MGARP: variants seen among roughly 807,000 people sequenced by gnomAD.
MGARP encodes the protein protein MGARP.
A neutral mutation model predicts 11.0 loss-of-function variants in MGARP; 12 were observed. The observed-to-expected ratio is 1.09, with a 90% CI of 0.70 to 1.77. MGARP has a LOEUF of 1.77. MGARP is among the 40% of genes most tolerant of loss of function. The pLI, the probability that MGARP is intolerant of heterozygous loss-of-function variation, is 0.00. For synonymous variants in MGARP, 110 were observed against 115.4 expected (o/e 0.95, Z 0.30); for missense variants, 283 against 297.8 (o/e 0.95, Z 0.36).
chr4:139,272,617 G>A lies in MGARP; in HGVS notation c.186+2672C>T, dbSNP rs144235818. On this transcript the variant is annotated intron_variant, in intron 2 of 3. Coordinates refer to ENST00000398955, the MANE Select transcript of MGARP (RefSeq NM_032623.4). ...AGAATATGTATTTTGGTTTGGTTTG[G>A]TTTGGCCATCTTACATAGTCCTATG... Among the ~76,000 whole-genome samples the A allele has an allele frequency of 3.3e-4, 50 of 149,262 alleles. No homozygotes were observed. In the East Asian group the frequency reaches 8.6e-3, roughly 26 times the overall value.
In MGARP at chr4:139,280,213, C is replaced by T; in HGVS notation, c.-55G>A. 6.5e-7 allele frequency: 1 copy of T among 1,537,778 alleles called. No individual in the cohort carries two copies. The highest frequency in any genetic ancestry group is 8.8e-7 in the Non-Finnish European group (1 of 1,138,278). On this transcript the variant is annotated 5_prime_UTR_variant, in exon 1 of 4. Transcript: ENST00000398955. ...CGGTACCCAGGCGCAGGCTGCCCTTCCACAGAGAGGCTGAGAGCCTGGCAG... is the reference window on the plus strand; with the variant it reads ...CGGTACCCAGGCGCAGGCTGCCCTTTCACAGAGAGGCTGAGAGCCTGGCAG...
chr4:139,266,936 G>A lies in MGARP; in HGVS notation c.386C>T (p.Thr129Ile). 6.2e-7 allele frequency: 1 copy of A among 1,614,176 alleles called. No individual in the cohort carries two copies. Among genetic ancestry groups the A allele is most frequent in the Non-Finnish European group, 8.5e-7 (1 of 1,180,026 alleles). Reference sequence around the variant, plus strand: ...AGATGCCTCTTTTATGACCACAACTGTAGCACTGGGACTTTCTTCAGCATC... The same window carrying A: ...AGATGCCTCTTTTATGACCACAACTATAGCACTGGGACTTTCTTCAGCATC... Reference protein sequence around the residue: ...VVDAEESPSATVVVIKEASAC... With the variant: ...VVDAEESPSAIVVVIKEASAC... Residue 129 changes from threonine (T) to isoleucine (I), a missense_variant, in exon 4 of 4, where the codon ACA becomes ATA. By Grantham distance (89) the Thr-to-Ile change is moderately conservative. Coordinates refer to ENST00000398955, the MANE Select transcript of MGARP (RefSeq NM_032623.4).
chr4:139,280,051 T>C (rs1744933996), intron 1 of MGARP, 26 bp downstream of exon 1: 1 of 1,610,632 alleles, frequency 6.2e-7, no homozygotes, highest in East Asian at 2.2e-5. Context: ...CCCGTCCTCC[T>C]CTCCGGGCTA....
chr4:139,271,267 T>C (rs1446737791), intron 2 of MGARP, among the ~76,000 whole-genome samples: 1 of 152,230 alleles, frequency 6.6e-6, no homozygotes, highest in Non-Finnish European at 1.5e-5. Context: ...GGCTCACATC[T>C]GTAATCTCAG....
chr4:139,274,150 G>A (rs1318924602), intron 2 of MGARP, among the ~76,000 whole-genome samples: 2 of 152,128 alleles, frequency 1.3e-5, no homozygotes, highest in Non-Finnish European at 2.9e-5. Flanking sequence ...GGAGAAATGA[G>A]TAGGTGGAGT....
chr4:139,268,773 T>G lies in MGARP; in HGVS notation c.187-8A>C. The G allele has an allele frequency of 6.3e-7, 1 of 1,590,962 alleles. No individual in the cohort carries two copies. Among genetic ancestry groups the G allele is most frequent in the Non-Finnish European group, 8.6e-7 (1 of 1,165,964 alleles). On this transcript the variant is annotated splice_region_variant and splice_polypyrimidine_tract_variant and intron_variant, in intron 2 of 3. Transcript: ENST00000398955. The stretch of plus-strand genomic sequence containing the variant: ...TGTGACTGTCTTGTAAGCCTGAAAG[T>G]AAATGTATGCTTAGGTTTATTTCTT...
intron 3 of MGARP, among the ~76,000 whole-genome samples, chr4:139,268,042 A>G (rs1023222152): frequency 6.6e-6 from 1 of 151,660 alleles, no homozygotes; most frequent in Admixed American, 6.6e-5. Context: ...GCTGGAGCCC[A>G]GGAGTTCAAG....
chr4:139,275,637 G>A (rs1412328852), intron 1 of MGARP, among the ~76,000 whole-genome samples: 1 of 152,010 alleles, frequency 6.6e-6, no homozygotes, highest in Non-Finnish European at 1.5e-5. Flanking sequence ...CTTCTTGGAA[G>A]GGGTGCAGGT....
intron 1 of MGARP, among the ~76,000 whole-genome samples, chr4:139,277,594 T>G (rs1379150331): frequency 6.6e-6 from 1 of 152,182 alleles, no homozygotes; most frequent in Non-Finnish European, 1.5e-5. Context: ...AAATGAGAAA[T>G]TTTTCAATAA....
chr4:139,267,670 A>G (rs1047960723), intron 3 of MGARP, among the ~76,000 whole-genome samples: 1 of 152,260 alleles, frequency 6.6e-6, no homozygotes, highest in African/African-American at 2.4e-5. Flanking sequence ...AAACAACCGC[A>G]TGATTATATT....
intron 3 of MGARP, 65 bp from the exon 4 acceptor site, chr4:139,267,106 C>A (rs1045950563): frequency 7.5e-5 from 114 of 1,516,482 alleles, no homozygotes; most frequent in Non-Finnish European, 9.7e-5. Context: ...TGAAACACTG[C>A]GGTCGTTTAA....
chr4:139,267,131 A>G (rs1579045811), intron 3 of MGARP, 90 bp from the exon 4 acceptor site: 1 of 1,185,076 alleles, frequency 8.4e-7, no homozygotes, highest in Admixed American at 2.1e-5. Context: ...CTAAGACAGA[A>G]CTACATGCAC....
At chr4:139,273,590 CT>C (rs1744821949) in intron 2 of MGARP, among the ~76,000 whole-genome samples, 1 of 149,726 alleles carries the variant, frequency 6.7e-6, no homozygotes, top group African/African-American at 2.5e-5. Context: ...TCTCAGCTCA[CT>C]GCGACCTCCA....
Position 139,266,444 on chromosome 4 carries a change from C to G in MGARP, c.*155G>C, listed in dbSNP as rs935643244. On this transcript the variant is annotated 3_prime_UTR_variant, in exon 4 of 4. Coordinates refer to ENST00000398955, the MANE Select transcript of MGARP (RefSeq NM_032623.4). ...ATGTACAATCTCAAGTCTCTCAGTC[C>G]TAAAATCTATCAGTGGATGCCAAAA... The G allele has an allele frequency of 1.5e-6, 1 of 665,326 alleles. No homozygotes were observed. Among genetic ancestry groups the G allele is most frequent in the Non-Finnish European group, 2.5e-6 (1 of 398,476 alleles). The allele number at this position is 665,326 out of a possible 1,614,324, so 41.2% of individuals were successfully genotyped here. A position where few individuals can be genotyped will look rare whatever the true frequency, so the allele number is the denominator to read the frequency against.
At chr4:139,267,189 A>T (rs1744711637) in intron 3 of MGARP, 148 bp from the exon 4 acceptor site, 10 of 809,058 alleles carry the variant, frequency 1.2e-5, no homozygotes, top group Non-Finnish European at 1.9e-5. Context: ...AACAGCAAAA[A>T]AAGAACAATG....
chr4:139,271,735 T>G, intron 2 of MGARP, among the ~76,000 whole-genome samples: 1 of 152,146 alleles, frequency 6.6e-6, no homozygotes, highest in East Asian at 1.9e-4. Flanking sequence ...CATTCAGCAT[T>G]TCCTCCTGAA....
chr4:139,267,027 C>A lies in MGARP; in HGVS notation c.295G>T (p.Val99Phe). ...GAACTTGCTTTCTCAGTTTCCGCAA[C>A]ATTCTCCTTTTCACCTTTAAGAATT... is the stretch of plus-strand genomic sequence containing the variant. ...IHPFQGEKEN[V>F]AETEKASSEA... is the part of the protein sequence containing the mutation. The change falls in exon 4 of 4, where the codon GTT (valine) becomes TTT (phenylalanine). Residue 99 changes from valine to phenylalanine, a missense_variant. Physicochemically the swap from Val to Phe is conservative, Grantham distance 50. Coordinates refer to ENST00000398955, the MANE Select transcript of MGARP (RefSeq NM_032623.4). 1 of 1,613,412 alleles carries A rather than the reference C, an allele frequency of 6.2e-7. No homozygotes were observed.
At chr4:139,276,121 C>A (rs563548538) in intron 1 of MGARP, among the ~76,000 whole-genome samples, 2 of 152,048 alleles carry the variant, frequency 1.3e-5, no homozygotes, top group African/African-American at 4.8e-5. Flanking sequence ...AACTTAAAGT[C>A]GGAAGGAGCT....
intron 1 of MGARP, among the ~76,000 whole-genome samples, chr4:139,278,070 A>T (rs188936308): frequency 6.6e-6 from 1 of 152,190 alleles, no homozygotes; most frequent in African/African-American, 2.4e-5. Context: ...TCTACTAAAA[A>T]TGCAAAATTA....
Sources: allele counts gnomAD v4.1 joint callset (sites outside exome capture counted in the v4.1 genomes callset), GRCh38; gene constraint gnomAD v4.1.1; transcripts MANE v1.5; gene names NCBI Gene and HGNC (gene_info 2026-07-23, HGNC 2026-07-21).